PRMT9: variants seen among roughly 807,000 people sequenced by gnomAD.
PRMT9 encodes protein arginine methyltransferase 9.
Under a neutral mutation model 83.2 loss-of-function variants are expected in PRMT9, and 59 were observed. The observed-to-expected ratio is 0.71, with a 90% CI of 0.57 to 0.88. The LOEUF is 0.88. Ranked by LOEUF, PRMT9 falls within the 40% of genes least tolerant of loss-of-function variation. PRMT9 has a pLI of 0.00. For synonymous variants in PRMT9, 333 were observed against 353.2 expected (o/e 0.94, Z 0.64); for missense variants, 947 against 1,021.9 (o/e 0.93, Z 1.00).
At chr4:147,640,995 G>A (rs1213996869) in intron 10 of PRMT9, among the ~76,000 whole-genome samples, 4 of 152,136 alleles carry the variant, frequency 2.6e-5, no homozygotes, top group Non-Finnish European at 4.4e-5. Context: ...ATTCAGGCAT[G>A]AGCCACCACA....
At chr4:147,663,103 A>G (rs1578912767) in intron 6 of PRMT9, among the ~76,000 whole-genome samples, 1 of 145,920 alleles carries the variant, frequency 6.9e-6, no homozygotes, top group East Asian at 2.1e-4. Context: ...CAGCCTCCCC[A>G]GTTCACGCCA....
Position 147,654,470 on chromosome 4 carries a change from C to G in PRMT9, c.1427G>C (p.Cys476Ser). Residue 476 changes from cysteine to serine, a missense_variant, in exon 9 of 12, where the codon TGT becomes TCT. By Grantham distance (112) the Cys-to-Ser change is moderately radical. Transcript: ENST00000322396. ...AAAACTTTTTGCAACATCCATTTCA[C>G]ATTCCAAACCCAAGACACTAATACT... ...IQSISVLGLE[C>S]EMDVAKSFTQ... 1 of 1,613,964 alleles carries G rather than the reference C, an allele frequency of 6.2e-7. No individual in the cohort carries two copies. Among genetic ancestry groups the G allele is most frequent in the East Asian group, 2.2e-5 (1 of 44,878 alleles).
At chr4:147,664,280 C>T (rs1011786295) in intron 6 of PRMT9, among the ~76,000 whole-genome samples, 3 of 152,228 alleles carry the variant, frequency 2.0e-5, no homozygotes, top group African/African-American at 7.2e-5. Flanking sequence ...TGTGCTCCAA[C>T]CAGGGCAACA....
chr4:147,673,664 G>A lies in PRMT9; in HGVS notation c.549C>T (p.Asp183=), dbSNP rs1209826759. ...AVCLGSKSVL[D]IGAGTGILSM... is the part of the protein sequence containing the mutation. ...TTAGTATTCCAGTTCCTGCTCCAAT[G>A]TCCAAAACACTTTTGGACCCCAAAC... Residue 183 remains aspartate (D), a synonymous_variant, in exon 3 of 12, where the codon GAC becomes GAT. Transcript: ENST00000322396. 1.2e-6 allele frequency: 2 copies of A among 1,611,898 alleles called. No homozygotes were observed. The highest frequency in any genetic ancestry group is 2.2e-5 in the East Asian group (1 of 44,860).
intron 10 of PRMT9, 26 bp downstream of exon 10, chr4:147,642,761 G>A: frequency 6.2e-7 from 1 of 1,600,406 alleles, no homozygotes. Context: ...CAGCATCCTG[G>A]TTGAACTTCT....
rs1733504456 is a variant in PRMT9, at chr4:147,642,928, T to C, written c.2058A>G (p.Gln686=). 6.2e-7 allele frequency: 1 copy of C among 1,614,084 alleles called. No homozygotes were observed. Among genetic ancestry groups the C allele is most frequent in the Non-Finnish European group, 8.5e-7 (1 of 1,179,966 alleles). The change falls in exon 10 of 12, where the codon CAA becomes CAG. Residue 686 remains glutamine, a synonymous_variant. Coordinates refer to ENST00000322396, the MANE Select transcript of PRMT9 (RefSeq NM_138364.4). ...EKAAISRCLL[Q]SGGKIFPQYV... ...ACTGAGGAAAGATCTTGCCTCCAGA[T>C]TGTAGTAAACACCTAAGAAAAAAAG...
rs755818378 is a variant in PRMT9, at chr4:147,654,132, C to T, written c.1765G>A (p.Glu589Lys). 8 of 1,614,200 alleles carry T rather than the reference C, an allele frequency of 5.0e-6. No individual in the cohort carries two copies. Among genetic ancestry groups the T allele is most frequent in the African/African-American group, 1.3e-5 (1 of 75,044 alleles). Residue 589 changes from glutamate to lysine, a missense_variant, in exon 9 of 12, where the codon GAA becomes AAA. By Grantham distance (56) the Glu-to-Lys change is moderately conservative. Transcript: ENST00000322396. ...ATAACAGGCAGAACAGAGAAGCCTTCGGACACATCTAACACGTAGAAAGGT... is the reference window on the plus strand; with the variant it reads ...ATAACAGGCAGAACAGAGAAGCCTTTGGACACATCTAACACGTAGAAAGGT... ...LEPFYVLDVSEGFSVLPVIAG... is the reference protein window; with the variant it reads ...LEPFYVLDVSKGFSVLPVIAG...
chr4:147,649,749 C>G (rs928939222), intron 9 of PRMT9, among the ~76,000 whole-genome samples: 148 of 152,336 alleles, frequency 9.7e-4, no homozygotes, highest in Non-Finnish European at 1.1e-3. Flanking sequence ...AGGTGATCCG[C>G]CCGCCTTGGC....
Position 147,638,112 on chromosome 4 carries a change from A to T in PRMT9, c.*420T>A, listed in dbSNP as rs1048303120. Reference sequence around the variant, plus strand: ...ACACTGAGTATTTAAAGGAAGCAAGATTGGAATTTACAGGTAACCATAACC... The same window carrying T: ...ACACTGAGTATTTAAAGGAAGCAAGTTTGGAATTTACAGGTAACCATAACC... On this transcript the variant is annotated 3_prime_UTR_variant, in exon 12 of 12. Transcript: ENST00000322396. 5 of 207,610 alleles carry T rather than the reference A, an allele frequency of 2.4e-5. No individual in the cohort carries two copies. The allele number at this position is 207,610 out of a possible 1,614,324, so 12.9% of individuals were successfully genotyped here.
rs1180668376 is a variant in PRMT9, at chr4:147,673,830, A to G, written c.383T>C (p.Val128Ala). Residue 128 changes from valine to alanine, a missense_variant, in exon 3 of 12, where the codon GTG becomes GCG. Coordinates refer to ENST00000322396, the MANE Select transcript of PRMT9 (RefSeq NM_138364.4). ...ATCACTGAAATCAGGGTTTAGCTTC[A>G]CTGCTTTATGAAAATACCCAGCTGC... ...DEAAGYFHKA[V>A]KLNPDFSDAK... 1.2e-6 allele frequency: 2 copies of G among 1,614,176 alleles called. No homozygotes were observed. Among genetic ancestry groups the G allele is most frequent in the South Asian group, 2.2e-5 (2 of 91,084 alleles).
Position 147,683,861 on chromosome 4 carries a change from T to A in PRMT9, c.127A>T (p.Thr43Ser). 1 of 1,613,480 alleles carries A rather than the reference T, an allele frequency of 6.2e-7. No individual in the cohort carries two copies. The highest frequency in any genetic ancestry group is 8.5e-7 in the Non-Finnish European group (1 of 1,179,984). Residue 43 changes from threonine (T) to serine (S), a missense_variant, in exon 1 of 12, where the codon ACT becomes TCT. Transcript: ENST00000322396. The stretch of plus-strand genomic sequence containing the variant: ...ACGAGGAGGTAGTGGGCATAGGCAG[T>A]GCCGAAGTCCTGGACGCCCAGACAG... ...EHCLGVQDFG[T>S]AYAHYLLVLS...
At chr4:147,645,270 C>G (rs1733655233) in intron 9 of PRMT9, among the ~76,000 whole-genome samples, 1 of 152,140 alleles carries the variant, frequency 6.6e-6, no homozygotes, top group African/African-American at 2.4e-5. Flanking sequence ...TCTCTGGTCT[C>G]TTACTAAACT....
At chr4:147,659,351 A>G (rs980936000) in intron 7 of PRMT9, among the ~76,000 whole-genome samples, 1 of 151,702 alleles carries the variant, frequency 6.6e-6, no homozygotes, top group Non-Finnish European at 1.5e-5. Context: ...CAGTGAGCCA[A>G]GATCGCACCA....
At chr4:147,668,506 T>C (rs773639559) in intron 6 of PRMT9, 33 bp downstream of exon 6, 1 of 1,245,288 alleles carries the variant, frequency 8.0e-7, no homozygotes, top group South Asian at 1.2e-5. Flanking sequence ...GGAGGTGCTT[T>C]ATAGCAGTGT....
At chr4:147,675,486 G>A (rs955873157) in intron 2 of PRMT9, among the ~76,000 whole-genome samples, 5 of 152,056 alleles carry the variant, frequency 3.3e-5, no homozygotes, top group African/African-American at 1.2e-4. Context: ...GTTCTTATTT[G>A]CAACTACCAT....
At chr4:147,670,283 G>A (rs751214000) in intron 5 of PRMT9, among the ~76,000 whole-genome samples, 2 of 152,130 alleles carry the variant, frequency 1.3e-5, no homozygotes, top group Admixed American at 1.3e-4. Context: ...GGGTTCAAGC[G>A]ATTCTCCTGC....
In PRMT9 at chr4:147,659,579, C is replaced by CTTCT. The variant is rs1553993103; in HGVS notation, c.1146+1266_1146+1267insAGAA. Among the ~76,000 whole-genome samples, 39 of 121,630 alleles carry CTTCT rather than the reference C, an allele frequency of 3.2e-4. 2 individuals are homozygous for CTTCT. The highest frequency in any genetic ancestry group is 1.2e-3 in the African/African-American group (38 of 32,666). The allele number at this position is 121,630 out of a possible 152,430, so 79.8% of individuals were successfully genotyped here. On this transcript the variant is annotated intron_variant, in intron 7 of 11. Transcript: ENST00000322396. ...CCAATTTCTTTGGGCACTTTCTTTT[C>CTTCT]TTTTTTTTTTTTTTCTGAGACGGAG...
intron 6 of PRMT9, among the ~76,000 whole-genome samples, chr4:147,665,124 CAAA>C (rs370245859): frequency 1.7e-5 from 2 of 116,666 alleles, no homozygotes. Context: ...TCTGTCTAAA[CAAA>C]AAAAAAAAAA....
intron 6 of PRMT9, among the ~76,000 whole-genome samples, chr4:147,665,181 T>G (rs1256153170): frequency 6.6e-6 from 1 of 151,998 alleles, no homozygotes; most frequent in Non-Finnish European, 1.5e-5. Flanking sequence ...CTTACAATCT[T>G]TCCTTTTGTC....
Sources: gnomAD v4.1 joint callset for allele counts (sites outside exome capture counted in the v4.1 genomes callset) on GRCh38, gnomAD v4.1.1 for gene constraint, MANE v1.5 for transcripts, NCBI Gene and HGNC (gene_info 2026-07-23, HGNC 2026-07-21) for gene names.